The following ZC3H18 variants were observed in gnomAD, a reference collection of about 807,000 sequenced individuals.
The protein encoded by ZC3H18 is zinc finger CCCH domain-containing protein 18.
In ZC3H18, 8 loss-of-function variants were observed where a neutral mutation model predicts 106.1. That is an observed-to-expected ratio of 0.08 (90% confidence interval 0.04 to 0.14). The LOEUF (loss-of-function observed/expected upper bound fraction) is 0.14, where lower values mean the gene tolerates loss of function less well. ZC3H18 is among the 10% of genes least tolerant of loss of function. ZC3H18 has a pLI of 1.00. For synonymous variants in ZC3H18, 635 were observed against 522.1 expected (o/e 1.22, Z -2.95); for missense variants, 1,318 against 1,278.4 (o/e 1.03, Z -0.47).
intron 16 of ZC3H18, 29 bp downstream of exon 16, chr16:88,628,883 G>A: frequency 6.2e-7 from 1 of 1,612,440 alleles, no homozygotes; most frequent in South Asian, 1.1e-5. Flanking sequence ...AGGGGGCAGG[G>A]CAGAGGGACG....
chr16:88,624,837 C>CCAGA, intron 12 of ZC3H18, 92 bp downstream of exon 12: 1 of 1,473,782 alleles, frequency 6.8e-7, no homozygotes, highest in Non-Finnish European at 9.0e-7. Context: ...GTGCCAGGGT[C>CCAGA]CAGAGCCAGG....
intron 1 of ZC3H18, among the ~76,000 whole-genome samples, chr16:88,575,041 G>T (rs2142520896): frequency 6.6e-6 from 1 of 150,402 alleles, no homozygotes; most frequent in East Asian, 2.0e-4. Context: ...GTGTTAGCCA[G>T]GATGGTCTCG....
At chr16:88,595,982 TG>T (rs559958827) in intron 3 of ZC3H18, among the ~76,000 whole-genome samples, 1 of 152,216 alleles carries the variant, frequency 6.6e-6, no homozygotes, top group Non-Finnish European at 1.5e-5. Flanking sequence ...TGACGTCTGC[TG>T]GAAGTGTGTC....
At position 88,627,720 on chromosome 16, in the gene ZC3H18, C is replaced by T; in HGVS notation, c.2207C>T (p.Ala736Val). Reference protein sequence around the residue: ...VDSEDMYADLASPVSSASSRS... With the variant: ...VDSEDMYADLVSPVSSASSRS... The stretch of plus-strand genomic sequence containing the variant: ...TCGGAGGACATGTACGCAGACCTGG[C>T]TAGCCCCGTGTCCTCAGCCAGCTCT... The change falls in exon 14 of 18, where the codon GCT becomes GTT. Residue 736 changes from alanine (A) to valine (V), a missense_variant. By Grantham distance (64) the Ala-to-Val change is moderately conservative (BLOSUM62 0). Around this residue, in one of 6 missense-constraint regions of ZC3H18, gnomAD observed 848 missense variants for 821.7 expected, o/e 1.03. Transcript: ENST00000301011. The surrounding 1 kb of genome is among the most constrained non-coding windows in gnomAD (Gnocchi z 4.5). 6.2e-7 allele frequency: 1 copy of T among 1,613,596 alleles called. No individual in the cohort carries two copies. The highest frequency in any genetic ancestry group is 8.5e-7 in the Non-Finnish European group (1 of 1,179,806).
chr16:88,581,855 T>C (rs1044181388), intron 2 of ZC3H18, among the ~76,000 whole-genome samples: 1 of 152,200 alleles, frequency 6.6e-6, no homozygotes, highest in Non-Finnish European at 1.5e-5. Flanking sequence ...CTGGCGAGGC[T>C]CTGATTTGCC....
chr16:88,592,449 A>G (rs904567360), intron 3 of ZC3H18, among the ~76,000 whole-genome samples: 3 of 151,950 alleles, frequency 2.0e-5, no homozygotes, highest in African/African-American at 7.3e-5. Flanking sequence ...TCAAAACTAT[A>G]TTTATTTATT....
intron 3 of ZC3H18, among the ~76,000 whole-genome samples, chr16:88,592,530 A>G (rs971198194): frequency 2.6e-5 from 4 of 151,892 alleles, no homozygotes; most frequent in East Asian, 1.9e-4. Context: ...CTGGAGTGCA[A>G]TGGCGTGATC....
chr16:88,579,696 A>G (rs1914990505), intron 2 of ZC3H18, among the ~76,000 whole-genome samples: 1 of 152,154 alleles, frequency 6.6e-6, no homozygotes, highest in South Asian at 2.1e-4. Context: ...CCTGCCTGGC[A>G]CCGTCTTGTG....
chr16:88,590,564 C>CTTTTCT (rs763732510), intron 3 of ZC3H18, among the ~76,000 whole-genome samples: 4 of 100,654 alleles, frequency 4.0e-5, no homozygotes, highest in Admixed American at 3.9e-4. Flanking sequence ...TTCTTTATTT[C>CTTTTCT]TTTTTTTTTT....
intron 7 of ZC3H18, among the ~76,000 whole-genome samples, chr16:88,609,934 A>G (rs1905194308): frequency 6.6e-6 from 1 of 152,072 alleles, no homozygotes; most frequent in Admixed American, 6.5e-5. Context: ...TTGCCAGTAT[A>G]CTTACTGATG....
chr16:88,576,460 G>A (rs1236336365), intron 1 of ZC3H18, among the ~76,000 whole-genome samples: 1 of 152,172 alleles, frequency 6.6e-6, no homozygotes, highest in African/African-American at 2.4e-5. Context: ...GTGAGTTGCT[G>A]AGCGGGTGAA....
intron 7 of ZC3H18, among the ~76,000 whole-genome samples, chr16:88,609,581 CAT>C (rs1357337020): frequency 6.6e-6 from 1 of 151,518 alleles, no homozygotes; most frequent in African/African-American, 2.4e-5. Context: ...GGATTAAAGA[CAT>C]GAGCCACTGC....
intron 10 of ZC3H18, 120 bp downstream of exon 10, chr16:88,623,464 C>T: frequency 1.5e-6 from 2 of 1,372,338 alleles, no homozygotes; most frequent in Non-Finnish European, 2.0e-6. Flanking sequence ...CTGCTGGCAG[C>T]TGAACTAGGA....
At chr16:88,593,685 A>G (rs1272031794) in intron 3 of ZC3H18, among the ~76,000 whole-genome samples, 6 of 152,230 alleles carry the variant, frequency 3.9e-5, no homozygotes, top group Admixed American at 1.3e-4. Context: ...TGGAGCACAC[A>G]TTGATGAGAA....
intron 7 of ZC3H18, among the ~76,000 whole-genome samples, chr16:88,609,443 A>T (rs534037721): frequency 6.6e-6 from 1 of 151,668 alleles, no homozygotes; most frequent in African/African-American, 2.4e-5. Flanking sequence ...GACCACACGC[A>T]TGCACCACCA....
Position 88,617,164 on chromosome 16 carries a change from C to T in ZC3H18, c.1476-5033C>T, listed in dbSNP as rs149917696. 3.1e-3 allele frequency among the ~76,000 whole-genome samples: 476 copies of T among 152,300 alleles called. 1 individual carries two copies. The highest frequency in any genetic ancestry group is 4.9e-3 in the Non-Finnish European group (331 of 68,026). ...CTTTTCCTTATCTCTAAGCTAATACCCCTCTTTCCTGAGGTTCTCTCTTAC... is the reference window on the plus strand; with the variant it reads ...CTTTTCCTTATCTCTAAGCTAATACTCCTCTTTCCTGAGGTTCTCTCTTAC... On this transcript the variant is annotated intron_variant, in intron 8 of 17. Coordinates refer to ENST00000301011, the MANE Select transcript of ZC3H18 (RefSeq NM_144604.4).
At chr16:88,623,022 A>AG in intron 9 of ZC3H18, 197 bp from the exon 10 acceptor site, 1 of 707,440 alleles carries the variant, frequency 1.4e-6, no homozygotes, top group Non-Finnish European at 2.3e-6. Flanking sequence ...TGCACCAAGG[A>AG]GGGATGGCAC....
At chr16:88,621,632 A>G (rs1046675895) in intron 8 of ZC3H18, among the ~76,000 whole-genome samples, 2 of 152,140 alleles carry the variant, frequency 1.3e-5, no homozygotes, top group African/African-American at 4.8e-5. Flanking sequence ...CTGGGATTAC[A>G]GGCATGAGCC....
chr16:88,581,278 G>T (rs573883718), intron 2 of ZC3H18, among the ~76,000 whole-genome samples: 3 of 152,326 alleles, frequency 2.0e-5, no homozygotes, highest in South Asian at 4.1e-4. Context: ...CCAAGCCACT[G>T]TCCCTGGCCT....
Sources: gnomAD v4.1 joint callset for allele counts (sites outside exome capture counted in the v4.1 genomes callset) on GRCh38, gnomAD v4.1.1 for gene constraint, gnomAD v4.1.1 regional missense constraint, Gnocchi (gnomAD v3.1) non-coding constraint, MANE v1.5 for transcripts, NCBI Gene and HGNC (gene_info 2026-07-23, HGNC 2026-07-21) for gene names.